The following B4GALNT4 variants were observed in gnomAD, a reference collection of about 807,000 sequenced individuals.
The protein encoded by B4GALNT4 is beta-1,4-N-acetyl-galactosaminyltransferase 4, also known as N-acetyl-beta-glucosaminyl-glycoprotein 4-beta-N-acetylgalactosaminyltransferase 1.
Under a neutral mutation model 110.0 loss-of-function variants are expected in B4GALNT4, and 77 were observed. The observed-to-expected ratio is 0.70, with a 90% CI of 0.58 to 0.85. The LOEUF (loss-of-function observed/expected upper bound fraction) is 0.85, where lower values mean the gene tolerates loss of function less well. Ranked by LOEUF, B4GALNT4 falls within the 40% of genes least tolerant of loss-of-function variation. B4GALNT4 has a pLI of 0.00. For missense variants in B4GALNT4, 1,575 were observed against 1,506.0 expected (o/e 1.05, Z -0.76); for synonymous variants, 785 against 655.5 (o/e 1.20, Z -3.02).
In B4GALNT4 at chr11:376,794, C is replaced by T; in HGVS notation, c.1671C>T (p.Pro557=). ...WPPFPGVFLH[P]RPLPRVQLRA... ...CCTTCCCTGGCGTCTTCCTGCACCC[C>T]AGGCCTCTGCCCAGAGTGCAGCTGC... Residue 557 remains proline (P), a synonymous_variant, in exon 14 of 20, where the codon CCC becomes CCT. Transcript: ENST00000329962. 7.2e-7 allele frequency: 1 copy of T among 1,389,632 alleles called. No individual in the cohort carries two copies. Among genetic ancestry groups the T allele is most frequent in the Non-Finnish European group, 9.3e-7 (1 of 1,073,346 alleles). The allele number at this position is 1,389,632 out of a possible 1,614,324, so 86.1% of individuals were successfully genotyped here.
chr11:370,330 G>A (rs1165954493), intron 1 of B4GALNT4, among the ~76,000 whole-genome samples: 2 of 152,128 alleles, frequency 1.3e-5, no homozygotes, highest in African/African-American at 4.8e-5. Flanking sequence ...CTTCCAAGAG[G>A]CCTTCTCAGG....
intron 1 of B4GALNT4, among the ~76,000 whole-genome samples, chr11:370,868 C>T (rs1169476976): frequency 1.3e-5 from 2 of 152,118 alleles, no homozygotes. Flanking sequence ...CCTGTGTTCT[C>T]TTCCTGTACC....
Position 373,371 on chromosome 11 carries a change from G to T in B4GALNT4, c.637-78G>T, listed in dbSNP as rs1358416127. On this transcript the variant is annotated intron_variant, in intron 6 of 19. Coordinates refer to ENST00000329962, the MANE Select transcript of B4GALNT4 (RefSeq NM_178537.5). ...GTGCCCACCAGCCTCTTGGGAATGA[G>T]GACCCGATGGGTTTGGTGTCCCCAG... The T allele has an allele frequency of 4.5e-6, 7 of 1,564,316 alleles. No individual in the cohort carries two copies. In the African/African-American group the frequency reaches 9.6e-5, roughly 21 times the overall value.
rs372345366 is a variant in B4GALNT4 at position 376,045 on chromosome 11, C to G, written c.1096-29C>G. The G allele has an allele frequency of 1.4e-5, 22 of 1,605,240 alleles. No homozygotes were observed. In the African/African-American group the frequency reaches 2.4e-4, roughly 18 times the overall value. On this transcript the variant is annotated intron_variant, in intron 11 of 19. Transcript: ENST00000329962. ...GGAGGCCGCCCCGGGAGGTCCGCGC[C>G]CTGAGCCCTGCGCCCCCCCACCCCC...
intron 8 of B4GALNT4, among the ~76,000 whole-genome samples, chr11:374,277 C>T (rs1037433661): frequency 2.0e-5 from 3 of 151,904 alleles, no homozygotes; most frequent in East Asian, 1.9e-4. Flanking sequence ...GGCCACAAAG[C>T]GGAGAGAGCC....
intron 8 of B4GALNT4, among the ~76,000 whole-genome samples, chr11:374,053 G>T: frequency 6.6e-6 from 1 of 152,102 alleles, no homozygotes; most frequent in South Asian, 2.1e-4. Flanking sequence ...TCAGTAGGGA[G>T]ATGTGGGGGG....
intron 1 of B4GALNT4, among the ~76,000 whole-genome samples, chr11:371,265 C>A (rs11246136): frequency 0.079 from 12,082 of 152,256 alleles, 670 homozygotes; most frequent in Admixed American, 0.15. Context: ...AGTGAGCAGA[C>A]TGTTCTGTCG....
At chr11:380,514 C>T in intron 18 of B4GALNT4, 69 bp downstream of exon 18, 1 of 1,524,616 alleles carries the variant, frequency 6.6e-7, no homozygotes, top group African/African-American at 1.4e-5. Context: ...AGTCCAGGAA[C>T]CCGGGGCCTC....
At position 377,273 on chromosome 11, in the gene B4GALNT4, A is replaced by T; in HGVS notation, c.2150A>T (p.Glu717Val). Residue 717 changes from glutamate (E) to valine (V), a missense_variant, in exon 14 of 20, where the codon GAG (glutamate) becomes GTG (valine). Glu to Val is a moderately radical substitution (Grantham distance 121). Transcript: ENST00000329962. ...GGGAACCTGCAGCTGCCGGAGGCGG[A>T]GGCCGTGGACGTGACCGCTCAGTAC... The part of the protein sequence containing the change: ...VSGNLQLPEA[E>V]AVDVTAQYME... The T allele has an allele frequency of 6.3e-7, 1 of 1,593,702 alleles. No homozygotes were observed. The highest frequency in any genetic ancestry group is 8.5e-7 in the Non-Finnish European group (1 of 1,171,486).
Position 375,732 on chromosome 11 carries a change from C to G in B4GALNT4, c.944C>G (p.Ala315Gly), listed in dbSNP as rs766736984. Reference protein sequence around the residue: ...GGRPPQEETSADMLRPDPRDT... With the variant: ...GGRPPQEETSGDMLRPDPRDT... ...CGTCCGCCGCAGGAGGAGACCAGCG[C>G]AGACATGCTGCGGCCAGATCCCAGG... The change falls in exon 10 of 20, where the codon GCA (alanine) becomes GGA (glycine). Residue 315 changes from alanine (A) to glycine (G), a missense_variant. Physicochemically the swap from Ala to Gly is moderately conservative, Grantham distance 60. Coordinates refer to ENST00000329962, the MANE Select transcript of B4GALNT4 (RefSeq NM_178537.5). 1 of 1,596,960 alleles carries G rather than the reference C, an allele frequency of 6.3e-7. No homozygotes were observed.
In B4GALNT4 at chr11:373,054, T is replaced by C; in HGVS notation, c.473T>C (p.Val158Ala). 6.2e-7 allele frequency: 1 copy of C among 1,612,168 alleles called. No homozygotes were observed. The highest frequency in any genetic ancestry group is 8.5e-7 in the Non-Finnish European group (1 of 1,179,762). ...HTRTTVKKLA[V>A]SPKWKNYGLR... ...CGCACCACCGTGAAGAAGTTGGCCG[T>C]GTCCCCCAAGTGGAAGAACTATGGA... Residue 158 changes from valine (V) to alanine (A), a missense_variant, in exon 5 of 20, where the codon GTG becomes GCG. Coordinates refer to ENST00000329962, the MANE Select transcript of B4GALNT4 (RefSeq NM_178537.5).
At chr11:378,120 T>C (rs1846798231) in intron 14 of B4GALNT4, among the ~76,000 whole-genome samples, 1 of 151,972 alleles carries the variant, frequency 6.6e-6, no homozygotes, top group Non-Finnish European at 1.5e-5. Context: ...GGGCCAGGAC[T>C]GTTTCTCATG....
In B4GALNT4 at chr11:380,331, C is replaced by T. The variant is rs975830595; in HGVS notation, c.2755C>T (p.His919Tyr). ...SIVFLCDLHI[H>Y]FPPNILDGIR... is the part of the protein sequence containing the mutation. ...CGTGTTCCTCTGCGACCTGCACATC[C>T]ACTTCCCACCCAACATCCTGGACGG... The change falls in exon 18 of 20, where the codon CAC (histidine) becomes TAC (tyrosine). Residue 919 changes from histidine (H) to tyrosine (Y), a missense_variant. His to Tyr is a moderately conservative substitution (Grantham distance 83). Coordinates refer to ENST00000329962, the MANE Select transcript of B4GALNT4 (RefSeq NM_178537.5). 36 of 1,613,252 alleles carry T rather than the reference C, an allele frequency of 2.2e-5. No individual in the cohort carries two copies. The highest frequency in any genetic ancestry group is 3.0e-5 in the Non-Finnish European group (35 of 1,179,758).
Position 379,843 on chromosome 11 carries a change from C to T in B4GALNT4, c.2489-23C>T, listed in dbSNP as rs752312316. 1,257 of 1,573,940 alleles carry T rather than the reference C, an allele frequency of 8.0e-4. 3 individuals carry two copies. Among genetic ancestry groups the T allele is most frequent in the Non-Finnish European group, 1.0e-3 (1,157 of 1,161,012 alleles). On this transcript the variant is annotated intron_variant, in intron 15 of 19. Coordinates refer to ENST00000329962, the MANE Select transcript of B4GALNT4 (RefSeq NM_178537.5). Reference sequence around the variant, plus strand: ...CGTAGAGTCAGCGTCGGCTCAGCGCCCCCCCCGCCTTTTCTCCTCCAGTGA... The same window carrying T: ...CGTAGAGTCAGCGTCGGCTCAGCGCTCCCCCCGCCTTTTCTCCTCCAGTGA...
chr11:373,868 C>A lies in B4GALNT4; in HGVS notation c.783+40C>A, dbSNP rs780392489. The A allele has an allele frequency of 2.5e-6, 4 of 1,580,004 alleles. No individual in the cohort carries two copies. In the South Asian group the frequency reaches 3.3e-5, roughly 13 times the overall value. Reference sequence around the variant, plus strand: ...CCCCTGGGGGCTTCTGGAGACTCCACTCCCCCCACCTCCCTGCAGGACAAC... The same window carrying A: ...CCCCTGGGGGCTTCTGGAGACTCCAATCCCCCCACCTCCCTGCAGGACAAC... On this transcript the variant is annotated intron_variant, in intron 8 of 19. Coordinates refer to ENST00000329962, the MANE Select transcript of B4GALNT4 (RefSeq NM_178537.5).
rs758872926 is a variant in B4GALNT4, at chr11:376,233, T to C, written c.1197-18T>C. 2.5e-6 allele frequency: 4 copies of C among 1,602,698 alleles called. No individual in the cohort carries two copies. The highest frequency in any genetic ancestry group is 3.4e-6 in the Non-Finnish European group (4 of 1,174,108). ...TGGGCGGGGCGGGACTCGGCTCTGA[T>C]GCCCCGCCGCGCCCCAGGTTTGGGT... On this transcript the variant is annotated intron_variant, in intron 12 of 19. Coordinates refer to ENST00000329962, the MANE Select transcript of B4GALNT4 (RefSeq NM_178537.5).
At chr11:378,025 G>A (rs1469749751) in intron 14 of B4GALNT4, among the ~76,000 whole-genome samples, 1 of 152,260 alleles carries the variant, frequency 6.6e-6, no homozygotes, top group Non-Finnish European at 1.5e-5. Context: ...CAGGGGCAGA[G>A]GATGGAGGCA....
chr11:380,516 C>G, intron 18 of B4GALNT4, 71 bp downstream of exon 18: 1 of 1,523,450 alleles, frequency 6.6e-7, no homozygotes. Flanking sequence ...TCCAGGAACC[C>G]GGGGCCTCTC....
chr11:379,902 C>A lies in B4GALNT4; in HGVS notation c.2525C>A (p.Ala842Glu), dbSNP rs761780147. The A allele has an allele frequency of 2.5e-6, 4 of 1,608,236 alleles. No homozygotes were observed. Among genetic ancestry groups the A allele is most frequent in the Non-Finnish European group, 3.4e-6 (4 of 1,178,866 alleles). ...GCACGGTGGGTGGCACAGTTCCTGG[C>A]GGACATGGCTGCGCTGCACGCGCGC... ...NQARWVAQFLADMAALHARTG... is the reference protein window; with the variant it reads ...NQARWVAQFLEDMAALHARTG... The change falls in exon 16 of 20, where the codon GCG becomes GAG. Residue 842 changes from alanine to glutamate, a missense_variant. Physicochemically the swap from Ala to Glu is moderately radical, Grantham distance 107 (BLOSUM62 -1). Transcript: ENST00000329962.
Sources: allele counts gnomAD v4.1 joint callset (sites outside exome capture counted in the v4.1 genomes callset), GRCh38; gene constraint gnomAD v4.1.1; transcripts MANE v1.5; gene names NCBI Gene and HGNC (gene_info 2026-07-23, HGNC 2026-07-21).